The following GREB1L variants were observed in gnomAD, a reference collection of about 807,000 sequenced individuals.
GREB1L encodes GREB1-like protein.
Under a neutral mutation model 200.8 loss-of-function variants are expected in GREB1L, and 17 were observed. That is an observed-to-expected ratio of 0.08 (90% CI 0.06 to 0.13). GREB1L has a LOEUF of 0.13. Ranked by LOEUF, GREB1L falls within the 10% of genes least tolerant of loss-of-function variation. The pLI is 1.00. For synonymous variants in GREB1L, 789 were observed against 893.0 expected (o/e 0.88, Z 2.08); for missense variants, 1,657 against 2,367.7 (o/e 0.70, Z 6.23).
At chr18:21,457,964 GT>G (rs11414940) in intron 15 of GREB1L, among the ~76,000 whole-genome samples, 1,272 of 117,860 alleles carry the variant, frequency 0.011, 5 homozygotes, top group Non-Finnish European at 0.015. Context: ...AGCAAGGACA[GT>G]TTTTTTTTTT....
At chr18:21,477,906 G>T (rs939335783) in intron 17 of GREB1L, among the ~76,000 whole-genome samples, 1 of 152,130 alleles carries the variant, frequency 6.6e-6, no homozygotes, top group African/African-American at 2.4e-5. Context: ...TGATTAGGTG[G>T]TTCTTAGGTA....
At chr18:21,426,795 G>A (rs59457916) in intron 7 of GREB1L, among the ~76,000 whole-genome samples, 84,687 of 151,304 alleles carry the variant, frequency 0.56, 26,388 homozygotes, top group African/African-American at 0.85. Flanking sequence ...TGTCTCTACT[G>A]AAAATACAAA....
intron 1 of GREB1L, among the ~76,000 whole-genome samples, chr18:21,283,311 G>T (rs1283483413): frequency 6.6e-6 from 1 of 152,134 alleles, no homozygotes; most frequent in African/African-American, 2.4e-5. Context: ...GTGAAGAAAG[G>T]CAGGAATTCT....
chr18:21,452,423 T>C (rs1394305423), intron 14 of GREB1L: 1 of 512,112 alleles, frequency 2.0e-6, no homozygotes, highest in East Asian at 3.2e-5. Context: ...AAAAGTCTTC[T>C]GGAATGAAAA....
chr18:21,255,251 A>T (rs573404427), intron 1 of GREB1L, among the ~76,000 whole-genome samples: 3 of 152,286 alleles, frequency 2.0e-5, no homozygotes, highest in African/African-American at 7.2e-5. Flanking sequence ...CTGTACCTTG[A>T]TATACATTAT....
chr18:21,280,167 G>A (rs750441625), intron 1 of GREB1L, among the ~76,000 whole-genome samples: 1 of 152,108 alleles, frequency 6.6e-6, no homozygotes, highest in African/African-American at 2.4e-5. Flanking sequence ...GTGCTCTACC[G>A]TTGTACTAAA....
intron 1 of GREB1L, among the ~76,000 whole-genome samples, chr18:21,361,381 G>A (rs1440449237): frequency 6.6e-6 from 1 of 152,192 alleles, no homozygotes; most frequent in Non-Finnish European, 1.5e-5. Context: ...AGTACAGAGT[G>A]TTCCTGCATC....
Position 21,521,979 on chromosome 18 carries a change from G to C in GREB1L, c.5609-679G>C, listed in dbSNP as rs1178894250. Among the ~76,000 whole-genome samples, 4 of 101,666 alleles carry C rather than the reference G, an allele frequency of 3.9e-5. No individual in the cohort carries two copies. The East Asian group carries it at 1.4e-3, about 35-fold the overall frequency. The allele number at this position is 101,666 out of a possible 152,430, so 66.7% of individuals were successfully genotyped here. ...AGATTGCACTACTGCACTCCAGCCT[G>C]GGCAACAGAGGAAGACTCCGTCTCC... On this transcript the variant is annotated intron_variant, in intron 32 of 32. Coordinates refer to ENST00000424526, the MANE Select transcript of GREB1L (RefSeq NM_001142966.3).
chr18:21,438,729 C>T (rs1315924895), intron 7 of GREB1L, among the ~76,000 whole-genome samples: 13 of 151,280 alleles, frequency 8.6e-5, no homozygotes, highest in East Asian at 2.0e-4. Flanking sequence ...GAGGCCGAGG[C>T]GGGCGGATCA....
intron 7 of GREB1L, among the ~76,000 whole-genome samples, chr18:21,406,879 T>C (rs987517219): frequency 6.7e-6 from 1 of 149,968 alleles, no homozygotes; most frequent in Non-Finnish European, 1.5e-5. Flanking sequence ...TTCTTCCTTT[T>C]TTTTTTTTTT....
At chr18:21,299,984 G>A (rs992219697) in intron 1 of GREB1L, among the ~76,000 whole-genome samples, 1 of 151,718 alleles carries the variant, frequency 6.6e-6, no homozygotes, top group African/African-American at 2.4e-5. Flanking sequence ...TTAAATCAAC[G>A]CTTTAAAAAA....
chr18:21,510,612 C>T (rs1000865021), intron 27 of GREB1L, among the ~76,000 whole-genome samples: 1 of 152,190 alleles, frequency 6.6e-6, no homozygotes, highest in African/African-American at 2.4e-5. Flanking sequence ...TTGGGCTGCT[C>T]CCACCTTATG....
intron 2 of GREB1L, among the ~76,000 whole-genome samples, chr18:21,380,899 G>C (rs1281988637): frequency 1.3e-5 from 2 of 151,952 alleles, no homozygotes; most frequent in Non-Finnish European, 1.5e-5. Context: ...AGGAGTTCAA[G>C]ACGAGCCTGG....
At chr18:21,478,153 A>C (rs1430771660) in intron 17 of GREB1L, among the ~76,000 whole-genome samples, 1 of 152,136 alleles carries the variant, frequency 6.6e-6, no homozygotes, top group Non-Finnish European at 1.5e-5. Flanking sequence ...TTTTGTTTTA[A>C]ATCAGTTTTC....
At chr18:21,302,428 G>A (rs1484667067) in intron 1 of GREB1L, among the ~76,000 whole-genome samples, 1 of 152,192 alleles carries the variant, frequency 6.6e-6, no homozygotes, top group Admixed American at 6.5e-5. Flanking sequence ...TAGAATGAGA[G>A]CTCCTACTAG....
At chr18:21,409,577 A>G (rs2144667984) in intron 7 of GREB1L, among the ~76,000 whole-genome samples, 1 of 152,316 alleles carries the variant, frequency 6.6e-6, no homozygotes, top group South Asian at 2.1e-4. Context: ...TGCTCTGAGA[A>G]AATTCATAAT....
rs566075832 is a variant in GREB1L, at chr18:21,463,265, C to A, written c.2182+8702C>A. ...GGTTCACACCATTCTCCTGCCTCAG[C>A]CTCCCAAGTAGGTGGGACCACAAGC... On this transcript the variant is annotated intron_variant, in intron 15 of 32. Transcript: ENST00000424526. Among the ~76,000 whole-genome samples the A allele has an allele frequency of 2.6e-5, 4 of 151,160 alleles. No individual in the cohort carries two copies. In the East Asian group the frequency reaches 7.9e-4, roughly 30 times the overall value.
chr18:21,495,835 T>A, intron 20 of GREB1L, 50 bp downstream of exon 20: 1 of 1,049,466 alleles, frequency 9.5e-7, no homozygotes, highest in East Asian at 2.6e-5. Flanking sequence ...CCAGCTGAAC[T>A]GATGATTAAA....
chr18:21,459,229 A>G (rs1208036043), intron 15 of GREB1L, among the ~76,000 whole-genome samples: 2 of 151,796 alleles, frequency 1.3e-5, no homozygotes, highest in Non-Finnish European at 2.9e-5. Flanking sequence ...AGGGGAAGTG[A>G]AGAGAGAGAG....
Sources: gnomAD v4.1 joint callset for allele counts (sites outside exome capture counted in the v4.1 genomes callset) on GRCh38, gnomAD v4.1.1 for gene constraint, MANE v1.5 for transcripts, NCBI Gene and HGNC (gene_info 2026-07-23, HGNC 2026-07-21) for gene names.